Variants in HEMK2 observed in about 807,000 individuals in gnomAD.
The protein encoded by HEMK2 is HemK methyltransferase 2, ETF1 glutamine and histone H4 lysine.
At chr21:28,633,517 G>A in the HEMK2 span, among the ~76,000 whole-genome samples, 1 of 152,138 alleles carries the variant, frequency 6.6e-6, no homozygotes, top group Non-Finnish European at 1.5e-5. Context: ...AAATAAATGG[G>A]CTGTTAGTAG....
At chr21:28,664,893 T>G in the HEMK2 span, among the ~76,000 whole-genome samples, 1 of 152,124 alleles carries the variant, frequency 6.6e-6, no homozygotes, top group Non-Finnish European at 1.5e-5. Flanking sequence ...TAATATTTAT[T>G]ATAAGTTAAA....
the HEMK2 span, among the ~76,000 whole-genome samples, chr21:28,844,604 C>T: frequency 6.6e-6 from 1 of 152,002 alleles, no homozygotes; most frequent in Non-Finnish European, 1.5e-5. Flanking sequence ...AAGAAGCACA[C>T]ATATATTTTT....
At chr21:28,635,101 C>CTTTTTTTTTTTTTTTTTTTTTTT in the HEMK2 span, among the ~76,000 whole-genome samples, 2 of 142,902 alleles carry the variant, frequency 1.4e-5, no homozygotes, top group Non-Finnish European at 3.0e-5. Flanking sequence ...ATGTCCTCAT[C>CTTTTTTTTTTTTTTTTTTTTTTT]TTTTTTTTTT....
the HEMK2 span, among the ~76,000 whole-genome samples, chr21:28,835,688 T>C: frequency 6.6e-6 from 1 of 151,944 alleles, no homozygotes; most frequent in Non-Finnish European, 1.5e-5. Flanking sequence ...ATTAAGCTAA[T>C]AAGGGAGGGA....
the HEMK2 span, among the ~76,000 whole-genome samples, chr21:28,580,809 G>A: frequency 1.2e-3 from 188 of 152,198 alleles, 1 homozygote; most frequent in Admixed American, 6.7e-3. Flanking sequence ...TGTTCCTGTT[G>A]TGATTCACAG....
chr21:28,863,225 AAG>A, the HEMK2 span, among the ~76,000 whole-genome samples: 1 of 151,526 alleles, frequency 6.6e-6, no homozygotes, highest in Non-Finnish European at 1.5e-5. Flanking sequence ...AAAATGTAAA[AAG>A]AGAGACTGGC....
the HEMK2 span, among the ~76,000 whole-genome samples, chr21:28,831,666 A>G: frequency 4.4e-4 from 25 of 56,928 alleles, no homozygotes; most frequent in East Asian, 5.5e-3. Context: ...AAAGAAAGAA[A>G]GAAAGAAAGA....
the HEMK2 span, among the ~76,000 whole-genome samples, chr21:28,637,203 G>A: frequency 2.0e-5 from 3 of 152,052 alleles, no homozygotes; most frequent in East Asian, 5.8e-4. Flanking sequence ...GGGCAGAAAG[G>A]GTATGTGTGT....
the HEMK2 span, among the ~76,000 whole-genome samples, chr21:28,834,681 A>G: frequency 6.6e-6 from 1 of 152,200 alleles, no homozygotes; most frequent in Non-Finnish European, 1.5e-5. Context: ...TCCGGCATGC[A>G]GACTCCAAAG....
At chr21:28,783,723 G>A in the HEMK2 span, among the ~76,000 whole-genome samples, 1 of 152,206 alleles carries the variant, frequency 6.6e-6, no homozygotes, top group Non-Finnish European at 1.5e-5. Context: ...CGAGGCTGGA[G>A]CCAGCTCCCT....
At chr21:28,833,175 T>C in the HEMK2 span, among the ~76,000 whole-genome samples, 1 of 152,012 alleles carries the variant, frequency 6.6e-6, no homozygotes, top group Admixed American at 6.6e-5. Context: ...TTTACTATCC[T>C]CTTCTATGCA....
At chr21:28,733,614 T>C in the HEMK2 span, among the ~76,000 whole-genome samples, 1 of 151,870 alleles carries the variant, frequency 6.6e-6, no homozygotes, top group Non-Finnish European at 1.5e-5. Flanking sequence ...GGGTCACCAA[T>C]GTTTTGAATT....
chr21:28,614,516 T>A, the HEMK2 span, among the ~76,000 whole-genome samples: 1 of 152,144 alleles, frequency 6.6e-6, no homozygotes, highest in African/African-American at 2.4e-5. Context: ...AAAAATATGA[T>A]CAAATAGTGT....
the HEMK2 span, among the ~76,000 whole-genome samples, chr21:28,830,876 TTAAAA>T: frequency 2.8e-5 from 1 of 35,348 alleles, no homozygotes. Context: ...GACTCCATCT[TTAAAA>T]AAAAAAAAAA....
the HEMK2 span, among the ~76,000 whole-genome samples, chr21:28,776,774 G>A: frequency 1.6e-4 from 24 of 152,242 alleles, no homozygotes; most frequent in African/African-American, 5.8e-4. Flanking sequence ...ATGTTCAAGG[G>A]CAGGAAGCAT....
the HEMK2 span, among the ~76,000 whole-genome samples, chr21:28,809,212 TA>T: frequency 1.8e-4 from 27 of 150,768 alleles, no homozygotes; most frequent in South Asian, 5.6e-3. Context: ...ACAGTCAAAT[TA>T]GTGGTAGGAA....
chr21:28,724,547 CTTGT>C, the HEMK2 span, among the ~76,000 whole-genome samples: 1,858 of 152,202 alleles, frequency 0.012, 20 homozygotes, highest in Non-Finnish European at 0.018. Context: ...AACTTAACTG[CTTGT>C]TTGTTTGTTT....
At chr21:28,848,004 T>C in the HEMK2 span, among the ~76,000 whole-genome samples, 1 of 152,240 alleles carries the variant, frequency 6.6e-6, no homozygotes, top group Admixed American at 6.5e-5. Context: ...ACTAGTACCA[T>C]GCTGTCTCAG....
chr21:28,812,667 G>A, the HEMK2 span, among the ~76,000 whole-genome samples: 1 of 152,190 alleles, frequency 6.6e-6, no homozygotes, highest in Non-Finnish European at 1.5e-5. Flanking sequence ...GAGTTAGGGA[G>A]GAGTCCCTCT....
Sources: allele counts gnomAD v4.1 joint callset (sites outside exome capture counted in the v4.1 genomes callset), GRCh38; gene constraint gnomAD v4.1.1; transcripts MANE v1.5; gene names NCBI Gene and HGNC (gene_info 2026-07-23, HGNC 2026-07-21).